The following NAV3 variants were observed in gnomAD, a reference collection of about 807,000 sequenced individuals.
NAV3 encodes pore membrane and/or filament interacting like protein 1.
NAV3 carries 87 observed loss-of-function variants against 244.7 expected under a neutral mutation model. The ratio of observed to expected loss-of-function variants is 0.36; its 90% CI spans 0.30 to 0.42. The LOEUF is 0.42. Ranked by LOEUF, NAV3 falls within the 20% of genes least tolerant of loss-of-function variation. The pLI is 1.00. For missense variants in NAV3, 2,663 were observed against 2,893.3 expected, an observed-to-expected ratio of 0.92 and a Z score of 1.83; for synonymous variants, 1,126 against 1,042.2, an observed-to-expected ratio of 1.08 and a Z score of -1.55.
At chr12:77,875,058 G>T (rs1007135235) in intron 1 of NAV3, among the ~76,000 whole-genome samples, 1 of 152,096 alleles carries the variant, frequency 6.6e-6, no homozygotes, top group Non-Finnish European at 1.5e-5. Flanking sequence ...GACATTAACT[G>T]CTATGAGTAG....
chr12:77,764,793 A>C (rs954289519), intron 2 of NAV3, among the ~76,000 whole-genome samples: 7 of 152,186 alleles, frequency 4.6e-5, no homozygotes, highest in Non-Finnish European at 8.8e-5. Context: ...ATAAATTTTT[A>C]TGTATATTCA....
chr12:77,939,464 A>G (rs1367427392), intron 1 of NAV3, among the ~76,000 whole-genome samples: 1 of 152,214 alleles, frequency 6.6e-6, no homozygotes, highest in Non-Finnish European at 1.5e-5. Context: ...ACCACATCAT[A>G]GAGTGCCTTG....
At chr12:78,097,044 A>C (rs1419076900) in intron 12 of NAV3, among the ~76,000 whole-genome samples, 1 of 152,186 alleles carries the variant, frequency 6.6e-6, no homozygotes, top group Non-Finnish European at 1.5e-5. Flanking sequence ...ATTCAGATGG[A>C]TGTTACTAAA....
chr12:77,894,388 TTAATAATTTAGATTTGCAAAATG>T (rs1289594431), intron 1 of NAV3, among the ~76,000 whole-genome samples: 47 of 152,312 alleles, frequency 3.1e-4, no homozygotes, highest in African/African-American at 1.1e-3. Flanking sequence ...TATAAACATT[TTAATAATTTAGATTTGCAAAATG>T]TAATAATTTA....
intron 1 of NAV3, among the ~76,000 whole-genome samples, chr12:77,882,653 C>A (rs1882798914): frequency 1.3e-5 from 2 of 151,882 alleles, no homozygotes; most frequent in Non-Finnish European, 2.9e-5. Flanking sequence ...AACCTTAGAG[C>A]ATAGGAGAAA....
intron 3 of NAV3, among the ~76,000 whole-genome samples, chr12:77,948,858 T>C (rs1251750507): frequency 6.6e-6 from 1 of 151,878 alleles, no homozygotes; most frequent in Non-Finnish European, 1.5e-5. Context: ...AGTTTATATA[T>C]TTAAATTTTT....
At chr12:78,210,325 A>C (rs946179080) in intron 39 of NAV3, 73 bp from the exon 40 acceptor site, 1 of 1,599,948 alleles carries the variant, frequency 6.3e-7, no homozygotes, top group African/African-American at 1.4e-5. Context: ...GGTGTGGCTC[A>C]GGGCCTTGTT....
intron 12 of NAV3, among the ~76,000 whole-genome samples, chr12:78,081,795 C>A (rs986524694): frequency 6.6e-6 from 1 of 152,182 alleles, no homozygotes; most frequent in South Asian, 2.1e-4. Flanking sequence ...GTGCCCCTTT[C>A]CCCGGGCAGC....
chr12:78,096,364 T>C (rs1954251955), intron 12 of NAV3, among the ~76,000 whole-genome samples: 1 of 152,174 alleles, frequency 6.6e-6, no homozygotes, highest in South Asian at 2.1e-4. Flanking sequence ...GGGAAATTTA[T>C]TTCTCCTCTA....
intron 2 of NAV3, among the ~76,000 whole-genome samples, chr12:77,622,682 C>T (rs1207276046): frequency 2.0e-5 from 3 of 151,974 alleles, no homozygotes; most frequent in East Asian, 1.9e-4. Context: ...TCATAATTCC[C>T]GGTTTTGACA....
intron 2 of NAV3, among the ~76,000 whole-genome samples, chr12:77,816,871 C>A (rs748166328): frequency 6.6e-6 from 1 of 152,126 alleles, no homozygotes; most frequent in Non-Finnish European, 1.5e-5. Context: ...TAAACTATGG[C>A]AGGATAAGCT....
intron 2 of NAV3, among the ~76,000 whole-genome samples, chr12:77,627,477 G>A (rs749547241): frequency 6.6e-6 from 1 of 152,078 alleles, no homozygotes; most frequent in African/African-American, 2.4e-5. Context: ...ACTATTACAG[G>A]CAACTATACC....
At position 78,132,736 on chromosome 12, in the gene NAV3, C is replaced by T. The variant is rs188800271; in HGVS notation, c.4441+3870C>T. Among the ~76,000 whole-genome samples, 333 of 152,208 alleles carry T rather than the reference C, an allele frequency of 2.2e-3. 2 individuals are homozygous for T. The highest frequency in any genetic ancestry group is 7.2e-3 in the African/African-American group (300 of 41,544). The stretch of plus-strand genomic sequence containing the variant: ...TCTCATTCACAACTTTAATTCTAAT[C>T]TCTCAAATCAACATTTCACTTTCTG... On this transcript the variant is annotated intron_variant, in intron 18 of 39. Transcript: ENST00000397909.
At chr12:77,927,911 T>A (rs1888373706) in intron 1 of NAV3, among the ~76,000 whole-genome samples, 1 of 151,966 alleles carries the variant, frequency 6.6e-6, no homozygotes, top group Non-Finnish European at 1.5e-5. Context: ...TATGACTGCA[T>A]CACTAAAGGT....
intron 2 of NAV3, among the ~76,000 whole-genome samples, chr12:77,762,462 G>A (rs557947003): frequency 1.3e-5 from 2 of 152,170 alleles, no homozygotes; most frequent in South Asian, 2.1e-4. Flanking sequence ...AATTAGCCAG[G>A]CATGTTGGTG....
intron 1 of NAV3, among the ~76,000 whole-genome samples, chr12:77,900,225 C>T (rs1199904228): frequency 2.6e-5 from 4 of 151,878 alleles, no homozygotes; most frequent in Non-Finnish European, 5.9e-5. Flanking sequence ...TACAGGCGCC[C>T]GCCACCACGC....
At chr12:77,768,706 A>G (rs1869917923) in intron 2 of NAV3, among the ~76,000 whole-genome samples, 1 of 152,192 alleles carries the variant, frequency 6.6e-6, no homozygotes, top group Non-Finnish European at 1.5e-5. Context: ...CTAGATCCAT[A>G]GCTACAGCTG....
rs571354485 is a variant in NAV3, at chr12:77,782,585, G to A, written c.73-157734G>A. On this transcript the variant is annotated intron_variant, in intron 2 of 8. Transcript: ENST00000550042. ...CTTGGATTCCCTATTTGAGCAAACA[G>A]CCTGTACACTGGTAGCTTACTTTGC... Among the ~76,000 whole-genome samples the A allele has an allele frequency of 3.9e-5, 6 of 152,284 alleles. No homozygotes were observed. The South Asian group carries it at 1.2e-3, about 32-fold the overall frequency.
chr12:77,798,075 T>C (rs536675407), intron 2 of NAV3, among the ~76,000 whole-genome samples: 1 of 151,342 alleles, frequency 6.6e-6, no homozygotes, highest in Non-Finnish European at 1.5e-5. Flanking sequence ...GGCAGGAGAA[T>C]TGCTTGAACC....
Sources: gnomAD v4.1 joint callset for allele counts (sites outside exome capture counted in the v4.1 genomes callset) on GRCh38, gnomAD v4.1.1 for gene constraint, MANE v1.5 for transcripts, NCBI Gene and HGNC (gene_info 2026-07-23, HGNC 2026-07-21) for gene names.